The following PAPPA2 variants were observed in gnomAD, a reference collection of about 807,000 sequenced individuals.
PAPPA2 encodes pappalysin 2.
PAPPA2 carries 86 observed loss-of-function variants against 176.4 expected under a neutral mutation model. That is an observed-to-expected ratio of 0.49 (90% CI 0.41 to 0.58). The LOEUF (loss-of-function observed/expected upper bound fraction) is 0.58, where lower values mean the gene tolerates loss of function less well. PAPPA2 is among the 20% of genes least tolerant of loss of function. PAPPA2 has a pLI of 0.00. For synonymous variants in PAPPA2, 809 were observed against 852.2 expected, an observed-to-expected ratio of 0.95 and a Z score of 0.88; for missense variants, 2,073 against 2,256.9, an observed-to-expected ratio of 0.92 and a Z score of 1.65.
chr1:176,478,944 G>A (rs1442976622), intron 1 of PAPPA2, among the ~76,000 whole-genome samples: 3 of 152,174 alleles, frequency 2.0e-5, no homozygotes, highest in Non-Finnish European at 4.4e-5. Flanking sequence ...AAGTTGGATG[G>A]AGATAAGATC....
chr1:176,541,020 A>G (rs1471810123), intron 1 of PAPPA2, among the ~76,000 whole-genome samples: 10 of 152,238 alleles, frequency 6.6e-5, no homozygotes, highest in African/African-American at 1.4e-4. Flanking sequence ...TTCAAGATCT[A>G]TAATCTTGGA....
chr1:176,552,591 C>T (rs1160254742), intron 1 of PAPPA2, among the ~76,000 whole-genome samples: 3 of 152,234 alleles, frequency 2.0e-5, no homozygotes, highest in Non-Finnish European at 2.9e-5. Flanking sequence ...AGACACCGCT[C>T]CTCTTGCAAA....
intron 1 of PAPPA2, among the ~76,000 whole-genome samples, chr1:176,488,949 C>A (rs1174207234): frequency 6.6e-6 from 1 of 152,072 alleles, no homozygotes; most frequent in African/African-American, 2.4e-5. Context: ...CTGTAAAACT[C>A]TGGGCAAGTA....
intron 3 of PAPPA2, among the ~76,000 whole-genome samples, chr1:176,599,168 C>T (rs1276074413): frequency 1.3e-5 from 2 of 150,812 alleles, no homozygotes; most frequent in Admixed American, 6.6e-5. Flanking sequence ...TATATACACC[C>T]ATATATGTAT....
At chr1:176,523,486 G>C (rs1210198169) in intron 1 of PAPPA2, among the ~76,000 whole-genome samples, 2 of 152,130 alleles carry the variant, frequency 1.3e-5, no homozygotes, top group East Asian at 3.9e-4. Flanking sequence ...AACATTATTT[G>C]TCTTCTTTGG....
At chr1:176,691,344 TTCTG>T (rs1285227451) in intron 5 of PAPPA2, 12 of 216,974 alleles carry the variant, frequency 5.5e-5, no homozygotes, top group Non-Finnish European at 8.6e-5. Context: ...GATGAGCCGA[TTCTG>T]TCTGTCATCT....
At position 176,652,600 on chromosome 1, in the gene PAPPA2, G is replaced by A. The variant is rs551984030; in HGVS notation, c.1992-18370G>A. 1.0e-3 allele frequency among the ~76,000 whole-genome samples: 159 copies of A among 151,822 alleles called. No homozygotes were observed. The Middle Eastern group carries it at 0.017, about 16-fold the overall frequency. The stretch of plus-strand genomic sequence containing the variant: ...CTGATTTTGCATCTTCTTTGGCTAA[G>A]GTACAAAGCAGAGTTTCCAGGGCTG... On this transcript the variant is annotated intron_variant, in intron 3 of 22. Transcript: ENST00000367662.
intron 3 of PAPPA2, among the ~76,000 whole-genome samples, chr1:176,627,445 A>G (rs1438090147): frequency 6.6e-6 from 1 of 152,210 alleles, no homozygotes; most frequent in African/African-American, 2.4e-5. Flanking sequence ...AATTACACAA[A>G]GAGCAGTGAC....
At chr1:176,597,817 G>A (rs990379607) in intron 3 of PAPPA2, among the ~76,000 whole-genome samples, 5 of 152,246 alleles carry the variant, frequency 3.3e-5, no homozygotes, top group African/African-American at 1.2e-4. Context: ...GAGAAAGTCT[G>A]GTCTCCTAGT....
chr1:176,535,834 A>C (rs1204505579), intron 1 of PAPPA2, among the ~76,000 whole-genome samples: 1 of 152,222 alleles, frequency 6.6e-6, no homozygotes. Flanking sequence ...TATTGCACAA[A>C]TAGTGCTTAT....
chr1:176,610,705 G>A (rs532010143), intron 3 of PAPPA2, among the ~76,000 whole-genome samples: 1 of 152,248 alleles, frequency 6.6e-6, no homozygotes, highest in East Asian at 1.9e-4. Flanking sequence ...GATTAAGATA[G>A]TAAAATGGCC....
rs1458938759 is a variant in PAPPA2, at chr1:176,556,167, A to G, written c.-156A>G. On this transcript the variant is annotated 5_prime_UTR_variant, in exon 2 of 23. Coordinates refer to ENST00000367662, the MANE Select transcript of PAPPA2 (RefSeq NM_020318.3). ...GCCAGCACAGGTAGCCAGCAGAGGC[A>G]TTCTTGGGGCTATTTGAAAAAGTTT... The G allele has an allele frequency of 1.1e-6, 1 of 873,460 alleles. No homozygotes were observed. 54.1% of individuals were successfully genotyped at this position (873,460 alleles called of 1,614,324 possible). A position where few individuals can be genotyped will look rare whatever the true frequency, so the allele number is the denominator to read the frequency against.
In PAPPA2 at chr1:176,556,386, G is replaced by T. The variant is rs779192630; in HGVS notation, c.64G>T (p.Ala22Ser). Residue 22 changes from alanine to serine, a missense_variant, in exon 2 of 23, where the codon GCC (alanine) becomes TCC (serine). This residue lies in a region of PAPPA2 where 1,196 missense variants were observed against 1,330.4 expected (regional missense o/e 0.90). Transcript: ENST00000367662. ...TTTGGCTGGGTGGGCACTCTGTTCTGCCAACTCTGAGCTGGGCTGGACACG... is the reference window on the plus strand; with the variant it reads ...TTTGGCTGGGTGGGCACTCTGTTCTTCCAACTCTGAGCTGGGCTGGACACG... ...AILAGWALCS[A>S]NSELGWTRKK... is the part of the protein sequence containing the mutation. 6.2e-7 allele frequency: 1 copy of T among 1,614,176 alleles called. No homozygotes were observed.
chr1:176,843,995 CA>C lies in PAPPA2; in HGVS notation c.*1542del, dbSNP rs1483624064. The C allele has an allele frequency of 3.3e-5, 5 of 152,142 alleles. No homozygotes were observed. Among genetic ancestry groups the C allele is most frequent in the Admixed American group, 1.3e-4 (2 of 15,264 alleles). The allele number at this position is 152,142 out of a possible 1,614,324, so 9.4% of individuals were successfully genotyped here. On this transcript the variant is annotated 3_prime_UTR_variant, in exon 23 of 23. Transcript: ENST00000367662. ...CCTTTCTTATCCAATAGATGGAATG[CA>C]CATGAAATGACCATATTAAGCCTCT...
At chr1:176,629,758 G>T (rs948595608) in intron 3 of PAPPA2, among the ~76,000 whole-genome samples, 1 of 152,098 alleles carries the variant, frequency 6.6e-6, no homozygotes, top group Non-Finnish European at 1.5e-5. Context: ...CAGGCATTGG[G>T]GAGGACACTG....
chr1:176,816,641 TA>T (rs1421773196), intron 21 of PAPPA2, among the ~76,000 whole-genome samples: 1 of 152,088 alleles, frequency 6.6e-6, no homozygotes, highest in African/African-American at 2.4e-5. Context: ...GTTCCTTTTT[TA>T]TACTAATATT....
intron 2 of PAPPA2, among the ~76,000 whole-genome samples, chr1:176,590,679 C>T (rs781352002): frequency 4.1e-4 from 62 of 152,134 alleles, no homozygotes; most frequent in Non-Finnish European, 6.5e-4. Flanking sequence ...TCAGGTAACA[C>T]TTTCAAATAA....
chr1:176,585,666 T>C (rs879336111), intron 2 of PAPPA2, among the ~76,000 whole-genome samples: 13 of 152,008 alleles, frequency 8.6e-5, no homozygotes, highest in Non-Finnish European at 1.8e-4. Flanking sequence ...GTAGGCTTTT[T>C]ATTCATTCTT....
At chr1:176,773,128 A>AT (rs754673230) in intron 17 of PAPPA2, among the ~76,000 whole-genome samples, 1 of 152,212 alleles carries the variant, frequency 6.6e-6, no homozygotes, top group Non-Finnish European at 1.5e-5. Flanking sequence ...GGATGCTTGC[A>AT]TCACAATGTC....
Sources: allele counts gnomAD v4.1 joint callset (sites outside exome capture counted in the v4.1 genomes callset), GRCh38; gene constraint gnomAD v4.1.1; regional missense constraint gnomAD v4.1.1; transcripts MANE v1.5; gene names NCBI Gene and HGNC (gene_info 2026-07-23, HGNC 2026-07-21).